The following MGAT4C variants were observed in gnomAD, a reference collection of about 807,000 sequenced individuals.
MGAT4C encodes the protein alpha-1,3-mannosyl-glycoprotein 4-beta-N-acetylglucosaminyltransferase C.
MGAT4C carries 19 observed loss-of-function variants against 40.1 expected under a neutral mutation model. The ratio of observed to expected loss-of-function variants is 0.47; its 90% CI spans 0.33 to 0.70. MGAT4C has a LOEUF of 0.70. Ranked by LOEUF, MGAT4C falls within the 30% of genes least tolerant of loss-of-function variation. The probability of loss-of-function intolerance (pLI) is 0.02; values close to 1 mark genes in which losing one functional copy is unlikely to be tolerated. For synonymous variants in MGAT4C, 181 were observed against 187.1 expected (o/e 0.97, Z 0.27); for missense variants, 491 against 563.2 (o/e 0.87, Z 1.30).
chr12:86,003,024 C>T (rs1290905759), intron 2 of MGAT4C, among the ~76,000 whole-genome samples: 1 of 152,106 alleles, frequency 6.6e-6, no homozygotes, highest in Non-Finnish European at 1.5e-5. Context: ...TGGTCCAGAA[C>T]TCCTGGGCTC....
chr12:86,237,423 A>G (rs1951600418), intron 1 of MGAT4C, among the ~76,000 whole-genome samples: 1 of 151,906 alleles, frequency 6.6e-6, no homozygotes, highest in African/African-American at 2.4e-5. Context: ...CTTGAATATT[A>G]GCTATAATAA....
At chr12:86,486,791 C>A (rs941841145) in intron 2 of MGAT4C, among the ~76,000 whole-genome samples, 2 of 152,136 alleles carry the variant, frequency 1.3e-5, no homozygotes, top group Non-Finnish European at 2.9e-5. Context: ...CTCATGTGCC[C>A]ACAAAACATT....
chr12:86,549,141 A>T (rs1959232104), intron 2 of MGAT4C, among the ~76,000 whole-genome samples: 1 of 152,206 alleles, frequency 6.6e-6, no homozygotes, highest in Admixed American at 6.5e-5. Context: ...AATGATTTTA[A>T]CATTGACTGT....
At chr12:86,627,086 T>C (rs969369609) in intron 2 of MGAT4C, among the ~76,000 whole-genome samples, 1 of 152,216 alleles carries the variant, frequency 6.6e-6, no homozygotes, top group Non-Finnish European at 1.5e-5. Flanking sequence ...ATGGCTCAGC[T>C]GGTCCCATGC....
rs188019051 is a variant in MGAT4C, at chr12:86,838,575, C to T, written c.-262+91G>A. On this transcript the variant is annotated intron_variant, in intron 1 of 7. Coordinates refer to the MGAT4C transcript ENST00000548651. ...TCAGTCCATACAGACTACTTAACAT[C>T]TTTCTCTTTTTACAGGTTTGGATCC... 8 of 152,306 alleles carry T rather than the reference C, an allele frequency of 5.3e-5. No homozygotes were observed. The East Asian group carries it at 1.2e-3, about 22-fold the overall frequency. 9.4% of individuals were successfully genotyped at this position (152,306 alleles called of 1,614,324 possible).
chr12:86,621,222 T>C (rs1011064508), intron 2 of MGAT4C, among the ~76,000 whole-genome samples: 1 of 152,128 alleles, frequency 6.6e-6, no homozygotes, highest in Non-Finnish European at 1.5e-5. Flanking sequence ...ATAAATATAA[T>C]GAAGTGATGT....
Position 86,762,684 on chromosome 12 carries a change from A to C in MGAT4C, c.-261-35443T>G, listed in dbSNP as rs181166747. On this transcript the variant is annotated intron_variant, in intron 1 of 7. Coordinates refer to the MGAT4C transcript ENST00000548651. ...ATTACATGTTTTAAGAAAAAGCAGA[A>C]GCCCTTTGAATATATTTTTGACATT... Among the ~76,000 whole-genome samples the C allele has an allele frequency of 3.1e-3, 468 of 152,372 alleles. 3 individuals are homozygous for C. Among genetic ancestry groups the C allele is most frequent in the Middle Eastern group, 0.014 (4 of 294 alleles).
At chr12:86,279,419 A>G (rs1953158570) in intron 4 of MGAT4C, among the ~76,000 whole-genome samples, 1 of 152,032 alleles carries the variant, frequency 6.6e-6, no homozygotes, top group South Asian at 2.1e-4. Context: ...ATTGATTTAT[A>G]TTAGGTTTTG....
At chr12:85,986,280 C>A (rs578033657) in intron 3 of MGAT4C, among the ~76,000 whole-genome samples, 2 of 152,224 alleles carry the variant, frequency 1.3e-5, no homozygotes, top group African/African-American at 4.8e-5. Flanking sequence ...AGTAATAAGA[C>A]AAAGCTTTAT....
At position 86,603,531 on chromosome 12, in the gene MGAT4C, ATAGTCTATAGACT is replaced by A. The variant is rs1485529205; in HGVS notation, c.-229+123665_-229+123677del. On this transcript the variant is annotated intron_variant, in intron 2 of 7. Transcript: ENST00000548651. ...ATAGTCTATAGTCTATAGACTATATATAGTCTATAGACTATAGATAATATATAGTCTATAGACT... is the reference window on the plus strand; with the variant it reads ...ATAGTCTATAGTCTATAGACTATATAATAGATAATATATAGTCTATAGACT... 3.5e-4 allele frequency among the ~76,000 whole-genome samples: 39 copies of A among 111,864 alleles called. 10 individuals carry two copies. The highest frequency in any genetic ancestry group is 4.4e-4 in the Non-Finnish European group (26 of 59,298). 73.4% of individuals were successfully genotyped at this position (111,864 alleles called of 152,430 possible). A position where few individuals can be genotyped will look rare whatever the true frequency, so the allele number is the denominator to read the frequency against.
At chr12:86,689,161 G>A (rs919153131) in intron 2 of MGAT4C, among the ~76,000 whole-genome samples, 3 of 151,932 alleles carry the variant, frequency 2.0e-5, no homozygotes, top group Non-Finnish European at 2.9e-5. Context: ...TATACTTCAC[G>A]AAGTTCTCAT....
intron 1 of MGAT4C, among the ~76,000 whole-genome samples, chr12:86,083,348 T>C (rs1871193128): frequency 6.6e-6 from 1 of 152,032 alleles, no homozygotes; most frequent in African/African-American, 2.4e-5. Context: ...CCAGATTGTT[T>C]CAAAATATAA....
intron 1 of MGAT4C, among the ~76,000 whole-genome samples, chr12:86,212,764 C>T (rs1950525070): frequency 1.7e-5 from 2 of 116,462 alleles, no homozygotes; most frequent in Admixed American, 8.9e-5. Context: ...TAGTGGCGGT[C>T]GCCTGTAGTC....
intron 1 of MGAT4C, among the ~76,000 whole-genome samples, chr12:86,731,615 C>T (rs1479329791): frequency 6.6e-6 from 1 of 151,786 alleles, no homozygotes; most frequent in Non-Finnish European, 1.5e-5. Context: ...TTAGGAGGCT[C>T]CAGCTTGTGG....
intron 2 of MGAT4C, among the ~76,000 whole-genome samples, chr12:86,437,037 T>C (rs1957149819): frequency 6.6e-6 from 1 of 151,684 alleles, no homozygotes; most frequent in Non-Finnish European, 1.5e-5. Flanking sequence ...TAGCCCAAGA[T>C]ATAAATTTGT....
chr12:86,727,690 A>T (rs915321736), intron 1 of MGAT4C, among the ~76,000 whole-genome samples: 7 of 152,158 alleles, frequency 4.6e-5, no homozygotes, highest in African/African-American at 9.6e-5. Flanking sequence ...AAAGCATGTT[A>T]TTGAAACAAA....
intron 2 of MGAT4C, among the ~76,000 whole-genome samples, chr12:86,045,967 A>G (rs1006047624): frequency 6.6e-6 from 1 of 152,186 alleles, no homozygotes; most frequent in African/African-American, 2.4e-5. Flanking sequence ...GTTATACCCA[A>G]GGTTATGGTT....
intron 2 of MGAT4C, among the ~76,000 whole-genome samples, chr12:86,491,157 C>T (rs1014636822): frequency 7.9e-5 from 12 of 152,056 alleles, no homozygotes; most frequent in Admixed American, 7.9e-4. Flanking sequence ...TAATCAATAG[C>T]TTACCAACCA....
chr12:86,595,823 C>T (rs1186790940), intron 2 of MGAT4C, among the ~76,000 whole-genome samples: 1 of 152,060 alleles, frequency 6.6e-6, no homozygotes, highest in Non-Finnish European at 1.5e-5. Flanking sequence ...TATTGGTGGG[C>T]CTTATTAAAG....
Sources: allele counts gnomAD v4.1 joint callset (sites outside exome capture counted in the v4.1 genomes callset), GRCh38; gene constraint gnomAD v4.1.1; transcripts MANE v1.5; gene names NCBI Gene and HGNC (gene_info 2026-07-23, HGNC 2026-07-21).